The following EPHA6 variants were observed in gnomAD, a reference collection of about 807,000 sequenced individuals.
EPHA6 encodes the protein EPH receptor A6.
In EPHA6, 50 loss-of-function variants were observed where a neutral mutation model predicts 112.0. The ratio of observed to expected loss-of-function variants is 0.45; its 90% confidence interval spans 0.36 to 0.56. The LOEUF (loss-of-function observed/expected upper bound fraction) is 0.56, where lower values mean the gene tolerates loss of function less well. EPHA6 is among the 20% of genes least tolerant of loss of function. The pLI is 0.00. For missense variants in EPHA6, 1,280 were observed against 1,417.4 expected (o/e 0.90, Z 1.56); for synonymous variants, 529 against 490.7 (o/e 1.08, Z -1.03).
chr3:97,649,606 T>C (rs1233208762), intron 14 of EPHA6, among the ~76,000 whole-genome samples: 3 of 152,038 alleles, frequency 2.0e-5, no homozygotes, highest in Non-Finnish European at 4.4e-5. Flanking sequence ...CAGAATGCTA[T>C]GATGTGAAGA....
chr3:97,037,303 T>C (rs1312792452), intron 3 of EPHA6, among the ~76,000 whole-genome samples: 1 of 152,006 alleles, frequency 6.6e-6, no homozygotes, highest in African/African-American at 2.4e-5. Context: ...CTATGACTTA[T>C]AAAACAGAGG....
At chr3:97,324,138 T>C (rs1048085826) in intron 5 of EPHA6, among the ~76,000 whole-genome samples, 5 of 152,034 alleles carry the variant, frequency 3.3e-5, no homozygotes, top group Admixed American at 6.6e-5. Context: ...TTTCCTATGA[T>C]TGCTTCTTCC....
intron 10 of EPHA6, among the ~76,000 whole-genome samples, chr3:97,523,995 A>G (rs1162652517): frequency 6.6e-6 from 1 of 152,078 alleles, no homozygotes; most frequent in Non-Finnish European, 1.5e-5. Flanking sequence ...TAAAGCTAAA[A>G]TAAGATTTTT....
At chr3:97,303,951 C>G (rs2081203354) in intron 5 of EPHA6, among the ~76,000 whole-genome samples, 1 of 151,982 alleles carries the variant, frequency 6.6e-6, no homozygotes, top group South Asian at 2.1e-4. Flanking sequence ...TTGAAGAGGC[C>G]CTTCACTTCC....
At position 96,822,491 on chromosome 3, in the gene EPHA6, A is replaced by T. The variant is rs1030014331; in HGVS notation, c.385+7483A>T. ...CCTGTGCTTGATAGATGTAATTGAC[A>T]ACTCATTATGCTTCCTGCTATTTTA... On this transcript the variant is annotated intron_variant, in intron 1 of 17. Coordinates refer to ENST00000389672, the MANE Select transcript of EPHA6 (RefSeq NM_001080448.3). Among the ~76,000 whole-genome samples, 20 of 151,768 alleles carry T rather than the reference A, an allele frequency of 1.3e-4. 1 individual carries two copies. Among genetic ancestry groups the T allele is most frequent in the Admixed American group, 1.1e-3 (16 of 15,188 alleles).
intron 3 of EPHA6, among the ~76,000 whole-genome samples, chr3:97,069,343 G>T (rs568183103): frequency 2.0e-5 from 3 of 152,090 alleles, no homozygotes; most frequent in Admixed American, 6.6e-5. Flanking sequence ...CCATTGATAG[G>T]CTGAGAAGGA....
chr3:97,473,025 G>T (rs576720762), intron 7 of EPHA6, among the ~76,000 whole-genome samples: 2 of 151,872 alleles, frequency 1.3e-5, no homozygotes, highest in African/African-American at 4.8e-5. Flanking sequence ...TTTTGATAAT[G>T]AATTGACGCT....
intron 3 of EPHA6, among the ~76,000 whole-genome samples, chr3:97,076,762 G>T (rs1248503933): frequency 6.6e-6 from 1 of 152,124 alleles, no homozygotes; most frequent in African/African-American, 2.4e-5. Context: ...TGTTGAGTGG[G>T]AGTCAGTGCT....
chr3:97,274,230 T>A (rs1272477905), intron 5 of EPHA6, among the ~76,000 whole-genome samples: 1 of 152,078 alleles, frequency 6.6e-6, no homozygotes, highest in Admixed American at 6.5e-5. Context: ...GATTGATAGG[T>A]GGAAGTTTCA....
Position 96,987,476 on chromosome 3 carries a change from A to T in EPHA6, c.597A>T (p.Lys199Asn), listed in dbSNP as rs1273200242. ...CTCAGAAAATTTATGTGGAAATGAA[A>T]TTCACACTAAGGGATTGTAACAGCA... ...DAAQKIYVEM[K>N]FTLRDCNSIP... is the part of the protein sequence containing the mutation. Residue 199 changes from lysine to asparagine, a missense_variant, in exon 3 of 18, where the codon AAA becomes AAT. By Grantham distance (94) the Lys-to-Asn change is moderately conservative (BLOSUM62 0). This residue lies in a region of EPHA6 where 878 missense variants were observed against 999.7 expected (regional missense o/e 0.88). Transcript: ENST00000389672. 1 of 1,613,864 alleles carries T rather than the reference A, an allele frequency of 6.2e-7. No homozygotes were observed. The highest frequency in any genetic ancestry group is 8.5e-7 in the Non-Finnish European group (1 of 1,179,882).
At chr3:96,960,704 A>G (rs2041921632) in intron 2 of EPHA6, among the ~76,000 whole-genome samples, 10 of 152,166 alleles carry the variant, frequency 6.6e-5, no homozygotes, top group Admixed American at 6.5e-4. Flanking sequence ...CCATGTCACT[A>G]TGTCTTTGAA....
At chr3:96,906,230 T>G (rs558011382) in intron 2 of EPHA6, among the ~76,000 whole-genome samples, 1 of 152,148 alleles carries the variant, frequency 6.6e-6, no homozygotes, top group African/African-American at 2.4e-5. Flanking sequence ...TTCCCCCTAC[T>G]TTCTCTCTCT....
chr3:96,846,434 T>C (rs765312423), intron 1 of EPHA6, among the ~76,000 whole-genome samples: 2 of 152,072 alleles, frequency 1.3e-5, no homozygotes, highest in Non-Finnish European at 2.9e-5. Context: ...TATTAACAGA[T>C]ATCCCAAATA....
intron 5 of EPHA6, among the ~76,000 whole-genome samples, chr3:97,321,830 A>C (rs1165693104): frequency 6.6e-6 from 1 of 152,106 alleles, no homozygotes; most frequent in East Asian, 1.9e-4. Context: ...AGCTGTTAAA[A>C]ATCATATTTC....
intron 7 of EPHA6, among the ~76,000 whole-genome samples, chr3:97,456,209 G>A (rs1450488694): frequency 2.0e-5 from 3 of 152,016 alleles, no homozygotes; most frequent in Non-Finnish European, 4.4e-5. Flanking sequence ...TCCCTTGACT[G>A]GAAGTTTTTA....
At chr3:97,074,296 G>A (rs2108171321) in intron 3 of EPHA6, among the ~76,000 whole-genome samples, 1 of 151,990 alleles carries the variant, frequency 6.6e-6, no homozygotes, top group East Asian at 1.9e-4. Context: ...ATGAAAGTTA[G>A]TATGTCAGTC....
intron 1 of EPHA6, among the ~76,000 whole-genome samples, chr3:96,822,427 C>T (rs1017945903): frequency 2.0e-5 from 3 of 151,822 alleles, no homozygotes; most frequent in South Asian, 4.2e-4. Flanking sequence ...GCTAGTTTCC[C>T]GGGATTCTGA....
intron 1 of EPHA6, among the ~76,000 whole-genome samples, chr3:96,829,987 A>G (rs1233059103): frequency 6.6e-6 from 1 of 150,444 alleles, no homozygotes; most frequent in Admixed American, 6.7e-5. Context: ...ACACACACAC[A>G]CAGAAATGGT....
chr3:97,645,963 T>TA (rs2094057718), intron 14 of EPHA6, among the ~76,000 whole-genome samples: 1 of 152,122 alleles, frequency 6.6e-6, no homozygotes, highest in South Asian at 2.1e-4. Context: ...ACATGATAGA[T>TA]AAAGGTTGGG....
Sources: gnomAD v4.1 joint callset for allele counts (sites outside exome capture counted in the v4.1 genomes callset) on GRCh38, gnomAD v4.1.1 for gene constraint, gnomAD v4.1.1 regional missense constraint, MANE v1.5 for transcripts, NCBI Gene and HGNC (gene_info 2026-07-23, HGNC 2026-07-21) for gene names.